NR2C2: variants seen among roughly 807,000 people sequenced by gnomAD.
NR2C2 encodes Nuclear hormone receptor TR4.
A neutral mutation model predicts 62.9 loss-of-function variants in NR2C2; 6 were observed. The observed-to-expected ratio is 0.10, with a 90% CI of 0.05 to 0.19. The LOEUF is 0.19. NR2C2 is among the 10% of genes least tolerant of loss of function. The probability of loss-of-function intolerance (pLI) is 1.00; values close to 1 mark genes in which losing one functional copy is unlikely to be tolerated. For missense variants in NR2C2, 479 were observed against 762.7 expected (o/e 0.63, Z 4.38); for synonymous variants, 272 against 273.8 (o/e 0.99, Z 0.07).
At chr3:15,004,524 C>A in intron 2 of NR2C2, 6 of 1,587,634 alleles carry the variant, frequency 3.8e-6, no homozygotes, top group Non-Finnish European at 4.3e-6. Context: ...ATTAACTAAT[C>A]GATATTCACT....
chr3:14,985,774 T>G (rs1041383968), intron 1 of NR2C2, among the ~76,000 whole-genome samples: 1 of 152,178 alleles, frequency 6.6e-6, no homozygotes, highest in African/African-American at 2.4e-5. Flanking sequence ...ATTTTCCAAT[T>G]AGATGCACAT....
chr3:15,038,907 C>T (rs1032670920), intron 12 of NR2C2: 3 of 548,056 alleles, frequency 5.5e-6, no homozygotes, highest in Non-Finnish European at 9.8e-6. Context: ...CTGGGATCCA[C>T]TCAGGGTCCC....
chr3:15,040,951 GCA>G lies in NR2C2; in HGVS notation c.1616+1728_1616+1729del, dbSNP rs1204286092. On this transcript the variant is annotated intron_variant, in intron 13 of 13. Coordinates refer to ENST00000425241, the MANE Select transcript of NR2C2 (RefSeq NM_001291694.2). ...CTCTGGGGCTACTGGCAGAGCCACA[GCA>G]CACTCGAGAATCACTTTGACAGCAG... 2.2e-4 allele frequency among the ~76,000 whole-genome samples: 33 copies of G among 152,314 alleles called. 4 individuals are homozygous for G. Among genetic ancestry groups the G allele is most frequent in the South Asian group, 2.1e-3 (10 of 4,828 alleles).
At chr3:14,969,367 C>A (rs923843799) in intron 1 of NR2C2, among the ~76,000 whole-genome samples, 5 of 151,626 alleles carry the variant, frequency 3.3e-5, no homozygotes, top group African/African-American at 1.2e-4. Flanking sequence ...CTTAGCCTCC[C>A]GAGTAGCTGG....
intron 9 of NR2C2, 91 bp from the exon 10 acceptor site, chr3:15,032,288 C>A: frequency 6.4e-7 from 1 of 1,558,818 alleles, no homozygotes; most frequent in Non-Finnish European, 8.8e-7. Flanking sequence ...GATGCCACTG[C>A]TATTGAAGCA....
rs2042438745 is a variant in NR2C2, at chr3:15,046,079, G to A, written c.*3071G>A. 1 of 152,184 alleles carries A rather than the reference G, an allele frequency of 6.6e-6. No homozygotes were observed. The highest frequency in any genetic ancestry group is 2.4e-5 in the African/African-American group (1 of 41,454). 9.4% of individuals were successfully genotyped at this position (152,184 alleles called of 1,614,324 possible). ...AAGTAATACTTTTCAAGTTACTCCT[G>A]GAAGGTGTTTTTAAGGAAGTGTGTT... On this transcript the variant is annotated 3_prime_UTR_variant, in exon 14 of 14. Coordinates refer to ENST00000425241, the MANE Select transcript of NR2C2 (RefSeq NM_001291694.2).
intron 7 of NR2C2, among the ~76,000 whole-genome samples, chr3:15,028,179 TGG>T (rs1183483473): frequency 1.3e-5 from 2 of 152,186 alleles, no homozygotes; most frequent in Non-Finnish European, 2.9e-5. Context: ...ATTTTTAAAT[TGG>T]GTTGTCTTTT....
At position 15,047,101 on chromosome 3, in the gene NR2C2, GT is replaced by G. The variant is rs879199925; in HGVS notation, c.*4094del. Reference sequence around the variant, plus strand: ...TCCATATGTACAGTGTATATAGTGTGTGTATGTGTACATAGATGTATATTAT... The same window carrying G: ...TCCATATGTACAGTGTATATAGTGTGGTATGTGTACATAGATGTATATTAT... On this transcript the variant is annotated 3_prime_UTR_variant, in exon 14 of 14. Coordinates refer to ENST00000425241, the MANE Select transcript of NR2C2 (RefSeq NM_001291694.2). 33 of 152,748 alleles carry G rather than the reference GT, an allele frequency of 2.2e-4. 4 individuals carry two copies. Among genetic ancestry groups the G allele is most frequent in the South Asian group, 2.1e-3 (10 of 4,826 alleles). The allele number at this position is 152,748 out of a possible 1,614,324, so 9.5% of individuals were successfully genotyped here. A position where few individuals can be genotyped will look rare whatever the true frequency, so the allele number is the denominator to read the frequency against.
At chr3:15,003,357 G>A (rs1424548159) in intron 1 of NR2C2, among the ~76,000 whole-genome samples, 1 of 152,148 alleles carries the variant, frequency 6.6e-6, no homozygotes, top group Non-Finnish European at 1.5e-5. Context: ...CTAAATTTCA[G>A]ACCCTGTGGT....
rs1408765809 is a variant in NR2C2 at position 15,047,877 on chromosome 3, T to C, written c.*4869T>C. ...TAAATTTTCAGATAAGAATTGCATTTTAATATGGATATGTGTGCCCTTAAA... is the reference window on the plus strand; with the variant it reads ...TAAATTTTCAGATAAGAATTGCATTCTAATATGGATATGTGTGCCCTTAAA... On this transcript the variant is annotated 3_prime_UTR_variant, in exon 14 of 14. Transcript: ENST00000425241. 2 of 152,246 alleles carry C rather than the reference T, an allele frequency of 1.3e-5. No homozygotes were observed. The highest frequency in any genetic ancestry group is 4.8e-5 in the African/African-American group (2 of 41,464). The allele number at this position is 152,246 out of a possible 1,614,324, so 9.4% of individuals were successfully genotyped here.
intron 1 of NR2C2, among the ~76,000 whole-genome samples, chr3:14,973,825 C>A (rs764159795): frequency 3.3e-5 from 5 of 152,062 alleles, no homozygotes. Flanking sequence ...CTCTCTTAAC[C>A]GTTTTTAAGT....
intron 1 of NR2C2, among the ~76,000 whole-genome samples, chr3:14,975,585 A>G (rs902403445): frequency 6.6e-6 from 1 of 152,046 alleles, no homozygotes; most frequent in Non-Finnish European, 1.5e-5. Flanking sequence ...AATGGTTTGT[A>G]TTTTTTAATA....
At chr3:14,966,482 G>A (rs936230819) in intron 1 of NR2C2, among the ~76,000 whole-genome samples, 3 of 152,324 alleles carry the variant, frequency 2.0e-5, no homozygotes, top group Admixed American at 2.0e-4. Flanking sequence ...AGCTACTCTG[G>A]AGGCTGAGGT....
Position 15,043,235 on chromosome 3 carries a change from G to A in NR2C2, c.*227G>A. On this transcript the variant is annotated 3_prime_UTR_variant, in exon 14 of 14. Coordinates refer to ENST00000425241, the MANE Select transcript of NR2C2 (RefSeq NM_001291694.2). ...CCTTTTGATGAAGCAGCAGATTTTG[G>A]AACAATCTTTTAACTCAATTTGTAT... 2.8e-6 allele frequency: 1 copy of A among 362,990 alleles called. No homozygotes were observed. The highest frequency in any genetic ancestry group is 1.3e-4 in the South Asian group (1 of 7,566). 22.5% of individuals were successfully genotyped at this position (362,990 alleles called of 1,614,324 possible). A position where few individuals can be genotyped will look rare whatever the true frequency, so the allele number is the denominator to read the frequency against.
intron 1 of NR2C2, among the ~76,000 whole-genome samples, chr3:14,958,954 G>A (rs890531896): frequency 1.3e-5 from 2 of 152,216 alleles, no homozygotes; most frequent in Admixed American, 6.5e-5. Context: ...CCAGCCTGGC[G>A]ACAGAGCAAG....
chr3:14,974,093 C>A (rs1461618821), intron 1 of NR2C2, among the ~76,000 whole-genome samples: 1 of 152,140 alleles, frequency 6.6e-6, no homozygotes, highest in East Asian at 1.9e-4. Context: ...AACAGCAACT[C>A]CCCAATGCCC....
rs1291024662 is a variant in NR2C2 at position 15,048,522 on chromosome 3, AT to A, written c.*5515del. 5 of 152,676 alleles carry A rather than the reference AT, an allele frequency of 3.3e-5. No homozygotes were observed. Among genetic ancestry groups the A allele is most frequent in the African/African-American group, 9.6e-5 (4 of 41,462 alleles). The allele number at this position is 152,676 out of a possible 1,614,324, so 9.5% of individuals were successfully genotyped here. A position where few individuals can be genotyped will look rare whatever the true frequency, so the allele number is the denominator to read the frequency against. On this transcript the variant is annotated 3_prime_UTR_variant, in exon 14 of 14. Coordinates refer to ENST00000425241, the MANE Select transcript of NR2C2 (RefSeq NM_001291694.2). ...TTTATACATGCAAAATAGAAAAAAA[AT>A]GTTCAACATTTATTGATTGATAGAC...
At chr3:14,968,049 A>G (rs1324668118) in intron 1 of NR2C2, among the ~76,000 whole-genome samples, 1 of 152,244 alleles carries the variant, frequency 6.6e-6, no homozygotes, top group Non-Finnish European at 1.5e-5. Context: ...AATAAAACCT[A>G]GGCATTACCA....
chr3:14,969,283 T>C (rs2039966375), intron 1 of NR2C2, among the ~76,000 whole-genome samples: 1 of 148,290 alleles, frequency 6.7e-6, no homozygotes, highest in South Asian at 2.1e-4. Flanking sequence ...TCTCACTGTG[T>C]CACCCAGGCT....
Sources: gnomAD v4.1 joint callset for allele counts (sites outside exome capture counted in the v4.1 genomes callset) on GRCh38, gnomAD v4.1.1 for gene constraint, MANE v1.5 for transcripts, NCBI Gene and HGNC (gene_info 2026-07-23, HGNC 2026-07-21) for gene names.